Variants in FER observed in about 807,000 individuals in gnomAD.
The protein encoded by FER is FER tyrosine kinase, also known as tyrosine-protein kinase Fer.
Under a neutral mutation model 111.0 loss-of-function variants are expected in FER, and 63 were observed. That is an observed-to-expected ratio of 0.57 (90% CI 0.46 to 0.70). The LOEUF (loss-of-function observed/expected upper bound fraction) is 0.70. FER is among the 30% of genes least tolerant of loss of function. FER has a pLI of 0.00. For synonymous variants in FER, 327 were observed against 313.9 expected (o/e 1.04, Z -0.44); for missense variants, 914 against 954.0 (o/e 0.96, Z 0.55).
intron 13 of FER, among the ~76,000 whole-genome samples, chr5:108,973,289 TTAA>T (rs1222237942): frequency 6.6e-6 from 1 of 152,190 alleles, no homozygotes; most frequent in Admixed American, 6.5e-5. Context: ...AGGGAACGAT[TTAA>T]TTGTGCCACA....
intron 10 of FER, among the ~76,000 whole-genome samples, chr5:108,901,401 A>G (rs1327160347): frequency 6.6e-6 from 1 of 152,146 alleles, no homozygotes; most frequent in African/African-American, 2.4e-5. Flanking sequence ...GAGGCCATCA[A>G]GAGAGGAATG....
At chr5:108,897,152 C>T (rs1235466999) in intron 9 of FER, among the ~76,000 whole-genome samples, 1 of 152,148 alleles carries the variant, frequency 6.6e-6, no homozygotes, top group African/African-American at 2.4e-5. Context: ...CATCTTAGCC[C>T]TTAGTCCTTG....
intron 13 of FER, among the ~76,000 whole-genome samples, chr5:108,990,018 TACTC>T (rs1762990424): frequency 6.6e-6 from 1 of 151,930 alleles, no homozygotes; most frequent in Non-Finnish European, 1.5e-5. Context: ...ACTTACTAGA[TACTC>T]AGTAAATTTC....
At chr5:108,843,937 A>G (rs1761541319) in intron 5 of FER, among the ~76,000 whole-genome samples, 1 of 151,990 alleles carries the variant, frequency 6.6e-6, no homozygotes, top group African/African-American at 2.4e-5. Context: ...TTTTACCTGG[A>G]TTCAAAAATT....
chr5:108,911,466 A>T (rs115621131), intron 10 of FER, among the ~76,000 whole-genome samples: 1 of 152,026 alleles, frequency 6.6e-6, no homozygotes, highest in Admixed American at 6.6e-5. Flanking sequence ...AAAACTTTCT[A>T]GTTTAAGTCT....
chr5:108,835,134 T>G (rs975198452), intron 4 of FER, among the ~76,000 whole-genome samples: 1 of 151,630 alleles, frequency 6.6e-6, no homozygotes, highest in African/African-American at 2.4e-5. Flanking sequence ...CATACTAAGT[T>G]AATTTTTTTA....
rs781757046 is a variant in FER at position 109,124,598 on chromosome 5, TGTTGTTG to T, written c.2048+24080_2048+24086del. 2.1e-3 allele frequency among the ~76,000 whole-genome samples: 307 copies of T among 148,930 alleles called. 1 individual carries two copies. The highest frequency in any genetic ancestry group is 3.4e-3 in the Middle Eastern group (1 of 294). On this transcript the variant is annotated intron_variant, in intron 17 of 19. Coordinates refer to ENST00000281092, the MANE Select transcript of FER (RefSeq NM_005246.4). Reference sequence around the variant, plus strand: ...CATTTTTTAATAGTTTTGTTGTTGTTGTTGTTGTTGTTGTTGTTGTTGTTTTGCTCCC... The same window carrying T: ...CATTTTTTAATAGTTTTGTTGTTGTTTTGTTGTTGTTGTTGTTTTGCTCCC...
At chr5:108,977,071 G>A (rs1320620767) in intron 13 of FER, among the ~76,000 whole-genome samples, 5 of 152,154 alleles carry the variant, frequency 3.3e-5, no homozygotes, top group Non-Finnish European at 5.9e-5. Context: ...GAGATGATTA[G>A]CATCACACAG....
intron 1 of FER, among the ~76,000 whole-genome samples, chr5:108,758,386 A>T (rs1751354842): frequency 6.6e-6 from 1 of 152,198 alleles, no homozygotes; most frequent in African/African-American, 2.4e-5. Flanking sequence ...GGATTTTTCA[A>T]GTTCAAACTA....
At position 108,871,449 on chromosome 5, in the gene FER, G is replaced by A. The variant is rs752216654; in HGVS notation, c.750G>A (p.Ser250=). 2.4e-5 allele frequency: 38 copies of A among 1,611,210 alleles called. No individual in the cohort carries two copies. The highest frequency in any genetic ancestry group is 2.8e-5 in the Non-Finnish European group (33 of 1,178,124). The part of the protein sequence containing the change: ...IVNVHKEIQM[S]VEQIDPSTEY... ...ATGTCCATAAAGAGATTCAAATGTC[G>A]GTTGAACAGATAGATCCTAGTACAG... is the stretch of plus-strand genomic sequence containing the variant. Residue 250 remains serine (S), a synonymous_variant, in exon 7 of 20, where the codon TCG becomes TCA. Coordinates refer to ENST00000281092, the MANE Select transcript of FER (RefSeq NM_005246.4).
intron 16 of FER, among the ~76,000 whole-genome samples, chr5:109,080,072 G>A (rs912965463): frequency 4.6e-5 from 7 of 151,966 alleles, no homozygotes; most frequent in Admixed American, 2.6e-4. Context: ...TGAATAAAGT[G>A]TATCTAGAGT....
intron 3 of FER, among the ~76,000 whole-genome samples, chr5:108,808,981 G>C (rs965865702): frequency 1.3e-5 from 2 of 152,122 alleles, no homozygotes; most frequent in Non-Finnish European, 2.9e-5. Flanking sequence ...ATTTCCCTTT[G>C]CACATGTGAT....
intron 2 of FER, 119 bp from the exon 3 acceptor site, chr5:108,798,005 A>T: frequency 1.9e-6 from 1 of 529,438 alleles, no homozygotes. Context: ...CTTTGGAAGA[A>T]AGTATTCAGT....
intron 17 of FER, among the ~76,000 whole-genome samples, chr5:109,155,242 C>T (rs1189307012): frequency 6.6e-6 from 1 of 151,840 alleles, no homozygotes; most frequent in Non-Finnish European, 1.5e-5. Flanking sequence ...AGGATCCTAT[C>T]TGGCAAGAAA....
chr5:109,049,734 T>C (rs1442646763), intron 16 of FER, among the ~76,000 whole-genome samples: 2 of 152,230 alleles, frequency 1.3e-5, no homozygotes, highest in Admixed American at 1.3e-4. Flanking sequence ...AAACTGTTTA[T>C]GTAGCTGACA....
intron 14 of FER, among the ~76,000 whole-genome samples, chr5:109,038,926 C>G (rs905801793): frequency 1.3e-5 from 2 of 151,972 alleles, no homozygotes; most frequent in Non-Finnish European, 2.9e-5. Context: ...TCTCCTTAGA[C>G]TATTTCAAAG....
intron 17 of FER, among the ~76,000 whole-genome samples, chr5:109,126,785 G>A (rs1295024956): frequency 6.6e-6 from 1 of 152,128 alleles, no homozygotes; most frequent in East Asian, 1.9e-4. Context: ...CAAATAATAA[G>A]GTATACACTA....
chr5:108,852,979 G>C (rs1210229557), intron 5 of FER, among the ~76,000 whole-genome samples: 1 of 151,818 alleles, frequency 6.6e-6, no homozygotes. Context: ...GCTTAGTTTT[G>C]ATAAGTAAAC....
At chr5:109,012,529 G>C (rs903084679) in intron 13 of FER, among the ~76,000 whole-genome samples, 2 of 152,102 alleles carry the variant, frequency 1.3e-5, no homozygotes, top group African/African-American at 2.4e-5. Flanking sequence ...CAAAGTAAAA[G>C]CTTTTATTTT....
Sources: gnomAD v4.1 joint callset for allele counts (sites outside exome capture counted in the v4.1 genomes callset) on GRCh38, gnomAD v4.1.1 for gene constraint, MANE v1.5 for transcripts, NCBI Gene and HGNC (gene_info 2026-07-23, HGNC 2026-07-21) for gene names.